RALGAPA1: variants seen among roughly 807,000 people sequenced by gnomAD.
RALGAPA1 encodes the protein Ral GTPase activating protein catalytic subunit alpha 1, also known as ral GTPase-activating protein subunit alpha-1.
Under a neutral mutation model 269.6 loss-of-function variants are expected in RALGAPA1, and 52 were observed. That is an observed-to-expected ratio of 0.19 (90% confidence interval 0.15 to 0.24). The LOEUF (loss-of-function observed/expected upper bound fraction) is 0.24, where lower values mean the gene tolerates loss of function less well. Ranked by LOEUF, RALGAPA1 falls within the 10% of genes least tolerant of loss-of-function variation. The probability of loss-of-function intolerance (pLI) is 1.00; values close to 1 mark genes in which losing one functional copy is unlikely to be tolerated. For missense variants in RALGAPA1, 1,917 were observed against 3,013.9 expected, an observed-to-expected ratio of 0.64 and a Z score of 8.52; for synonymous variants, 817 against 1,008.3, an observed-to-expected ratio of 0.81 and a Z score of 3.60.
intron 39 of RALGAPA1, among the ~76,000 whole-genome samples, chr14:35,557,177 C>A (rs1326534947): frequency 6.9e-6 from 1 of 144,756 alleles, no homozygotes; most frequent in Non-Finnish European, 1.5e-5. Flanking sequence ...CGAAGCAAAA[C>A]AAAAACTAGG....
intron 1 of RALGAPA1, among the ~76,000 whole-genome samples, chr14:35,788,698 T>C (rs528329377): frequency 1.1e-3 from 171 of 152,324 alleles, no homozygotes; most frequent in African/African-American, 3.9e-3. Context: ...AGGAAGATTA[T>C]CTTATACCCT....
At chr14:35,701,690 GGA>G (rs567123222) in intron 16 of RALGAPA1, among the ~76,000 whole-genome samples, 89 of 151,870 alleles carry the variant, frequency 5.9e-4, no homozygotes, top group South Asian at 2.1e-3. Context: ...TGTCCAGGCG[GGA>G]GTACAGTGGC....
Position 35,684,850 on chromosome 14 carries a change from G to A in RALGAPA1, c.4294+79C>T, listed in dbSNP as rs895488727. The A allele has an allele frequency of 1.3e-5, 18 of 1,402,400 alleles. No individual in the cohort carries two copies. The South Asian group carries it at 2.3e-4, about 18-fold the overall frequency. 86.9% of individuals were successfully genotyped at this position (1,402,400 alleles called of 1,614,324 possible). On this transcript the variant is annotated intron_variant, in intron 20 of 41. Coordinates refer to ENST00000680220, the MANE Select transcript of RALGAPA1 (RefSeq NM_001346249.2). ...AAGTAACACTGGAGAGGAAGGTGAT[G>A]GCTACATAATCCGTAAGTCAGTCTT...
Position 35,539,575 on chromosome 14 carries a change from C to A in RALGAPA1, c.*139G>T. 6.2e-7 allele frequency: 1 copy of A among 1,613,228 alleles called. No individual in the cohort carries two copies. Among genetic ancestry groups the A allele is most frequent in the Non-Finnish European group, 8.5e-7 (1 of 1,180,008 alleles). On this transcript the variant is annotated 3_prime_UTR_variant, in exon 42 of 42. Coordinates refer to ENST00000680220, the MANE Select transcript of RALGAPA1 (RefSeq NM_001346249.2). Reference sequence around the variant, plus strand: ...TATTGGCTGAGCCAGAGGAACGACGCAGCTTCATGGACATGCGGCTTTTGC... The same window carrying A: ...TATTGGCTGAGCCAGAGGAACGACGAAGCTTCATGGACATGCGGCTTTTGC...
At chr14:35,754,068 AAGTC>A (rs2072970235) in intron 7 of RALGAPA1, among the ~76,000 whole-genome samples, 1 of 152,188 alleles carries the variant, frequency 6.6e-6, no homozygotes, top group South Asian at 2.1e-4. Context: ...CAAAGGATTA[AAGTC>A]AACATTGCTC....
intron 29 of RALGAPA1, among the ~76,000 whole-genome samples, 158 bp downstream of exon 29, chr14:35,655,647 CAG>C (rs2063129596): frequency 6.6e-6 from 1 of 151,548 alleles, no homozygotes; most frequent in Admixed American, 6.6e-5. Flanking sequence ...ATTCAAGAAA[CAG>C]AACAATTTTT....
intron 37 of RALGAPA1, among the ~76,000 whole-genome samples, chr14:35,575,055 G>A (rs1228405364): frequency 6.6e-6 from 1 of 151,278 alleles, no homozygotes; most frequent in Non-Finnish European, 1.5e-5. Flanking sequence ...TTGAACCTGG[G>A]AGGCAGAAGT....
chr14:35,653,959 G>A (rs932706090), intron 30 of RALGAPA1, among the ~76,000 whole-genome samples: 2 of 152,152 alleles, frequency 1.3e-5, no homozygotes, highest in Non-Finnish European at 1.5e-5. Flanking sequence ...GATGACATAA[G>A]TTTACACATA....
intron 38 of RALGAPA1, 149 bp from the exon 39 acceptor site, chr14:35,570,893 T>C: frequency 1.4e-6 from 1 of 731,820 alleles, no homozygotes. Flanking sequence ...AATTCTTTTC[T>C]GTGATGGGTC....
At chr14:35,569,223 T>C (rs938569080) in intron 39 of RALGAPA1, among the ~76,000 whole-genome samples, 8 of 152,212 alleles carry the variant, frequency 5.3e-5, no homozygotes, top group African/African-American at 1.9e-4. Flanking sequence ...ATCTATTTCA[T>C]GTGGACTGGA....
chr14:35,549,878 A>G (rs543382076), intron 39 of RALGAPA1, among the ~76,000 whole-genome samples: 2 of 152,196 alleles, frequency 1.3e-5, no homozygotes, highest in Non-Finnish European at 2.9e-5. Context: ...CTAGTCAATT[A>G]TAACACTGAA....
intron 16 of RALGAPA1, among the ~76,000 whole-genome samples, chr14:35,702,470 A>G (rs1351420708): frequency 6.6e-6 from 1 of 152,160 alleles, no homozygotes; most frequent in East Asian, 1.9e-4. Flanking sequence ...GATCAAGTGT[A>G]TTTTAAAAAC....
intron 31 of RALGAPA1, among the ~76,000 whole-genome samples, chr14:35,643,847 C>T (rs1320719762): frequency 6.6e-6 from 1 of 152,044 alleles, no homozygotes; most frequent in Admixed American, 6.6e-5. Flanking sequence ...CAACTGAACT[C>T]ATGGAGACAG....
chr14:35,602,065 A>C (rs958521450), intron 36 of RALGAPA1, among the ~76,000 whole-genome samples: 1 of 152,246 alleles, frequency 6.6e-6, no homozygotes, highest in Non-Finnish European at 1.5e-5. Flanking sequence ...TAAATGGACC[A>C]TTAATATGTG....
intron 16 of RALGAPA1, among the ~76,000 whole-genome samples, chr14:35,719,572 G>A (rs921509016): frequency 1.3e-5 from 2 of 151,968 alleles, no homozygotes; most frequent in African/African-American, 4.8e-5. Context: ...AAAGATACAC[G>A]CCAACATGTT....
intron 37 of RALGAPA1, among the ~76,000 whole-genome samples, chr14:35,593,926 C>T (rs567294362): frequency 1.4e-4 from 22 of 151,870 alleles, no homozygotes; most frequent in African/African-American, 7.2e-5. Flanking sequence ...ACGGTACTGG[C>T]GTAAAAACAG....
rs1375763922 is a variant in RALGAPA1 at position 35,539,323 on chromosome 14, A to G, written c.*391T>C. On this transcript the variant is annotated 3_prime_UTR_variant, in exon 42 of 42. Coordinates refer to ENST00000680220, the MANE Select transcript of RALGAPA1 (RefSeq NM_001346249.2). ...ATAAAACTCCCCCTGCCCTCAAAAT[A>G]TGGCAGCTTGGATTGTGGGAAAAAA... 6 of 461,354 alleles carry G rather than the reference A, an allele frequency of 1.3e-5. No homozygotes were observed. The South Asian group carries it at 2.5e-4, about 19-fold the overall frequency. The allele number at this position is 461,354 out of a possible 1,614,324, so 28.6% of individuals were successfully genotyped here.
At position 35,560,575 on chromosome 14, in the gene RALGAPA1, G is replaced by A. The variant is rs192926841; in HGVS notation, c.7496+10042C>T. 2.6e-3 allele frequency among the ~76,000 whole-genome samples: 391 copies of A among 152,156 alleles called. 3 individuals carry two copies. Among genetic ancestry groups the A allele is most frequent in the African/African-American group, 9.1e-3 (378 of 41,528 alleles). ...CTACTTGGTCTATATCACTATTGCT[G>A]AATGACCCCAAATTGCTTAAGTTTA... On this transcript the variant is annotated intron_variant, in intron 39 of 41. Coordinates refer to ENST00000680220, the MANE Select transcript of RALGAPA1 (RefSeq NM_001346249.2).
At position 35,566,418 on chromosome 14, in the gene RALGAPA1, G is replaced by C. The variant is rs2056709893; in HGVS notation, c.7496+4199C>G. On this transcript the variant is annotated intron_variant, in intron 39 of 41. Coordinates refer to ENST00000680220, the MANE Select transcript of RALGAPA1 (RefSeq NM_001346249.2). ...AATGATCATAAATAGCACAATTTAT[G>C]CTTTGGAATCTTAGTGAGTACTTTT... Among the ~76,000 whole-genome samples, 5 of 152,090 alleles carry C rather than the reference G, an allele frequency of 3.3e-5. No individual in the cohort carries two copies. The South Asian group carries it at 1.0e-3, about 32-fold the overall frequency.
Sources: gnomAD v4.1 joint callset for allele counts (sites outside exome capture counted in the v4.1 genomes callset) on GRCh38, gnomAD v4.1.1 for gene constraint, MANE v1.5 for transcripts, NCBI Gene and HGNC (gene_info 2026-07-23, HGNC 2026-07-21) for gene names.